Variants in DDX52 observed in about 807,000 individuals in gnomAD.
DDX52 encodes probable ATP-dependent RNA helicase DDX52.
DDX52 carries 59 observed loss-of-function variants against 76.1 expected under a neutral mutation model. That is an observed-to-expected ratio of 0.78 (90% CI 0.63 to 0.96). DDX52 has a LOEUF of 0.96. DDX52 is among the 40% of genes least tolerant of loss of function. The pLI is 0.00. For synonymous variants in DDX52, 231 were observed against 244.1 expected, an observed-to-expected ratio of 0.95 and a Z score of 0.50; for missense variants, 707 against 703.9, an observed-to-expected ratio of 1.00 and a Z score of -0.05.
At chr17:37,617,889 CTAA>C (rs1262160682) in intron 14 of DDX52, among the ~76,000 whole-genome samples, 1 of 152,112 alleles carries the variant, frequency 6.6e-6, no homozygotes, top group East Asian at 1.9e-4. Flanking sequence ...CTTTGGAAGG[CTAA>C]GGCAGGTGGA....
intron 1 of DDX52, chr17:37,643,111 G>C (rs1441366620): frequency 4.8e-6 from 2 of 413,458 alleles, no homozygotes; most frequent in Non-Finnish European, 8.6e-6. Context: ...TTCCGTGCCA[G>C]GCCCAACTAG....
At chr17:37,632,329 A>T in intron 3 of DDX52, 31 bp from the exon 4 acceptor site, 1 of 1,606,144 alleles carries the variant, frequency 6.2e-7, no homozygotes, top group Non-Finnish European at 8.5e-7. Flanking sequence ...GCCACCATGG[A>T]TATGGCCAAA....
Position 37,643,255 on chromosome 17 carries a change from G to A in DDX52, c.87+79C>T, listed in dbSNP as rs963297491. 12 of 1,472,082 alleles carry A rather than the reference G, an allele frequency of 8.2e-6. No homozygotes were observed. The African/African-American group carries it at 1.3e-4, about 15-fold the overall frequency. The allele number at this position is 1,472,082 out of a possible 1,614,324, so 91.2% of individuals were successfully genotyped here. A position where few individuals can be genotyped will look rare whatever the true frequency, so the allele number is the denominator to read the frequency against. On this transcript the variant is annotated intron_variant, in intron 1 of 14. Transcript: ENST00000617633. Reference sequence around the variant, plus strand: ...AGGCCACGGGTGTCCAAGTGCGCCGGCCTCCCCCAGCAGCGGGTTCATTCC... The same window carrying A: ...AGGCCACGGGTGTCCAAGTGCGCCGACCTCCCCCAGCAGCGGGTTCATTCC...
At chr17:37,628,049 G>C (rs1376373639) in intron 6 of DDX52, among the ~76,000 whole-genome samples, 2 of 152,046 alleles carry the variant, frequency 1.3e-5, no homozygotes, top group Non-Finnish European at 2.9e-5. Flanking sequence ...CATAGCTATA[G>C]GTATGGAGAA....
At chr17:37,633,228 G>C in intron 3 of DDX52, 60 bp downstream of exon 3, 1 of 1,487,962 alleles carries the variant, frequency 6.7e-7, no homozygotes, top group South Asian at 1.4e-5. Context: ...CCCAAATCCA[G>C]CGAATAAGTC....
chr17:37,617,676 T>A (rs1272938783), intron 14 of DDX52, among the ~76,000 whole-genome samples: 1 of 152,238 alleles, frequency 6.6e-6, no homozygotes, highest in Non-Finnish European at 1.5e-5. Context: ...TGTAAGTCAA[T>A]GGTCCTAACT....
At position 37,613,136 on chromosome 17, in the gene DDX52, A is replaced by G. The variant is rs1173466179; in HGVS notation, c.*1160T>C. 2.0e-5 allele frequency: 3 copies of G among 152,276 alleles called. No individual in the cohort carries two copies. Among genetic ancestry groups the G allele is most frequent in the African/African-American group, 7.2e-5 (3 of 41,472 alleles). 9.4% of individuals were successfully genotyped at this position (152,276 alleles called of 1,614,324 possible). A position where few individuals can be genotyped will look rare whatever the true frequency, so the allele number is the denominator to read the frequency against. ...CTGCTGAGAAAAGGCAATGTATATT[A>G]TAGTTCTGTGGTAGTACTGATAACA... On this transcript the variant is annotated 3_prime_UTR_variant, in exon 15 of 15. Coordinates refer to ENST00000617633, the MANE Select transcript of DDX52 (RefSeq NM_007010.5).
In DDX52 at chr17:37,612,247, AT is replaced by A. The variant is rs529862747; in HGVS notation, c.*2048del. The A allele has an allele frequency of 2.7e-5, 4 of 150,906 alleles. No individual in the cohort carries two copies. Among genetic ancestry groups the A allele is most frequent in the Admixed American group, 6.6e-5 (1 of 15,124 alleles). 9.3% of individuals were successfully genotyped at this position (150,906 alleles called of 1,614,324 possible). A position where few individuals can be genotyped will look rare whatever the true frequency, so the allele number is the denominator to read the frequency against. On this transcript the variant is annotated 3_prime_UTR_variant, in exon 15 of 15. Coordinates refer to ENST00000617633, the MANE Select transcript of DDX52 (RefSeq NM_007010.5). ...CCACACCCGGCTAACTTTTTTTGGT[AT>A]TTTTTTTAGTAGAGATGGGGTTTTG...
intron 2 of DDX52, among the ~76,000 whole-genome samples, chr17:37,636,271 T>G (rs922937897): frequency 6.6e-6 from 1 of 152,210 alleles, no homozygotes; most frequent in Non-Finnish European, 1.5e-5. Flanking sequence ...TTGCTTACAA[T>G]ATAAAGTTAG....
At chr17:37,615,138 A>C (rs1462434077) in intron 14 of DDX52, 1 of 152,294 alleles carries the variant, frequency 6.6e-6, no homozygotes, top group African/African-American at 2.4e-5. Flanking sequence ...AACAACCTTA[A>C]GAGCGATCAG....
intron 2 of DDX52, 87 bp from the exon 3 acceptor site, chr17:37,633,505 A>C: frequency 8.9e-7 from 1 of 1,119,980 alleles, no homozygotes; most frequent in Non-Finnish European, 1.1e-6. Flanking sequence ...ATTAAAAATT[A>C]GTCAAGGGTG....
rs1459272733 is a variant in DDX52, at chr17:37,609,802, A to T, written c.*4494T>A. 1 of 156,396 alleles carries T rather than the reference A, an allele frequency of 6.4e-6. No homozygotes were observed. 9.7% of individuals were successfully genotyped at this position (156,396 alleles called of 1,614,324 possible). A position where few individuals can be genotyped will look rare whatever the true frequency, so the allele number is the denominator to read the frequency against. Reference sequence around the variant, plus strand: ...TTGTTACTCTTTACACACAAAGAACAGATAGGTCCTGAAGGGCCCTTTGAT... The same window carrying T: ...TTGTTACTCTTTACACACAAAGAACTGATAGGTCCTGAAGGGCCCTTTGAT... On this transcript the variant is annotated 3_prime_UTR_variant, in exon 15 of 15. Transcript: ENST00000617633.
chr17:37,632,358 T>G lies in DDX52; in HGVS notation c.418-60A>C, dbSNP rs996522926. 26 of 1,580,178 alleles carry G rather than the reference T, an allele frequency of 1.6e-5. No homozygotes were observed. The African/African-American group carries it at 3.2e-4, about 20-fold the overall frequency. The stretch of plus-strand genomic sequence containing the variant: ...GGCCAAATAAATACATTCTCAGATG[T>G]TATAAAGCAACATTAACAGTTTCTG... On this transcript the variant is annotated intron_variant, in intron 3 of 14. Coordinates refer to ENST00000617633, the MANE Select transcript of DDX52 (RefSeq NM_007010.5).
chr17:37,625,359 A>G (rs1005389967), intron 8 of DDX52, among the ~76,000 whole-genome samples: 5 of 152,154 alleles, frequency 3.3e-5, no homozygotes, highest in Non-Finnish European at 7.4e-5. Context: ...TCCATTGGCT[A>G]CTTTTTCACT....
At chr17:37,627,396 A>T (rs960949788) in intron 6 of DDX52, among the ~76,000 whole-genome samples, 2 of 151,926 alleles carry the variant, frequency 1.3e-5, no homozygotes, top group Admixed American at 6.6e-5. Flanking sequence ...TTTTTAGTAG[A>T]GATGGTAAAT....
chr17:37,615,210 T>C (rs944489718), intron 14 of DDX52, among the ~76,000 whole-genome samples: 2 of 152,168 alleles, frequency 1.3e-5, no homozygotes, highest in South Asian at 2.1e-4. Flanking sequence ...ATCTATAGCA[T>C]AGAGGTAAGC....
chr17:37,615,131 A>G (rs9892460), intron 14 of DDX52: 76,221 of 152,096 alleles, frequency 0.5, 21,213 homozygotes, highest in African/African-American at 0.75. Flanking sequence ...TGAAGATAAC[A>G]ACCTTAAGAG....
At position 37,616,079 on chromosome 17, in the gene DDX52, T is replaced by C. The variant is rs568186412; in HGVS notation, c.1743-1726A>G. 6.6e-5 allele frequency among the ~76,000 whole-genome samples: 10 copies of C among 152,346 alleles called. No homozygotes were observed. The South Asian group carries it at 2.1e-3, about 32-fold the overall frequency. ...TGATGTATCTTATTAAAATTCAACA[T>C]AGCCACCATCTTATGTTCTAGTTGA... On this transcript the variant is annotated intron_variant, in intron 14 of 14. Coordinates refer to ENST00000617633, the MANE Select transcript of DDX52 (RefSeq NM_007010.5).
intron 13 of DDX52, 74 bp downstream of exon 13, chr17:37,619,694 A>T: frequency 7.2e-7 from 1 of 1,390,726 alleles, no homozygotes; most frequent in Non-Finnish European, 9.9e-7. Flanking sequence ...TCTGGGCAAC[A>T]GAGCAAGAAA....
Sources: gnomAD v4.1 joint callset for allele counts (sites outside exome capture counted in the v4.1 genomes callset) on GRCh38, gnomAD v4.1.1 for gene constraint, MANE v1.5 for transcripts, NCBI Gene and HGNC (gene_info 2026-07-23, HGNC 2026-07-21) for gene names.